SCHIP1: variants seen among roughly 807,000 people sequenced by gnomAD.
SCHIP1 encodes schwannomin-interacting protein 1.
Under a neutral mutation model 29.7 loss-of-function variants are expected in SCHIP1, and 8 were observed. The ratio of observed to expected loss-of-function variants is 0.27; its 90% CI spans 0.16 to 0.49. SCHIP1 has a LOEUF of 0.49. Among genes scored for constraint, SCHIP1 ranks in the 20% least tolerant of loss-of-function variants. SCHIP1 has a pLI of 0.99. For missense variants in SCHIP1, 193 were observed against 294.6 expected (o/e 0.66, Z 2.52); for synonymous variants, 76 against 94.9 (o/e 0.80, Z 1.16).
the SCHIP1 span, among the ~76,000 whole-genome samples, chr3:159,553,971 TGTGTGTGTGTG>T: frequency 1.0e-4 from 1 of 9,724 alleles, no homozygotes; most frequent in Admixed American, 1.1e-3. Flanking sequence ...CAGCTACGTG[TGTGTGTGTGTG>T]TGTGTGTGTG....
the SCHIP1 span, among the ~76,000 whole-genome samples, chr3:159,468,637 A>T: frequency 6.7e-6 from 1 of 149,498 alleles, no homozygotes; most frequent in Non-Finnish European, 1.5e-5. Context: ...ATAATAAAAT[A>T]AAATTATTCT....
the SCHIP1 span, among the ~76,000 whole-genome samples, chr3:159,464,435 C>G: frequency 6.6e-6 from 1 of 152,140 alleles, no homozygotes; most frequent in African/African-American, 2.4e-5. Context: ...TGTTTCTTAA[C>G]TCTAAAGATA....
chr3:159,734,135 CTTTTT>C, the SCHIP1 span, among the ~76,000 whole-genome samples: 19 of 100,912 alleles, frequency 1.9e-4, no homozygotes, highest in African/African-American at 8.3e-4. Context: ...TTATTGTTTA[CTTTTT>C]TTTTTTTTTT....
chr3:159,697,842 C>T, the SCHIP1 span, among the ~76,000 whole-genome samples: 6 of 152,020 alleles, frequency 3.9e-5, no homozygotes, highest in Non-Finnish European at 5.9e-5. Context: ...AGTTACAGTC[C>T]AAAAATTACC....
At chr3:159,722,596 C>CATGTGT in the SCHIP1 span, among the ~76,000 whole-genome samples, 1 of 151,890 alleles carries the variant, frequency 6.6e-6, no homozygotes, top group Non-Finnish European at 1.5e-5. Flanking sequence ...TGTGTGTGTG[C>CATGTGT]ATGTGTATGT....
chr3:159,369,556 A>G, the SCHIP1 span, among the ~76,000 whole-genome samples: 1 of 152,198 alleles, frequency 6.6e-6, no homozygotes, highest in Non-Finnish European at 1.5e-5. Context: ...CTTATATGCA[A>G]AGATATATTG....
the SCHIP1 span, among the ~76,000 whole-genome samples, chr3:159,670,490 C>A: frequency 6.6e-6 from 1 of 152,052 alleles, no homozygotes; most frequent in South Asian, 2.1e-4. Flanking sequence ...TTTTGCTGTC[C>A]GAAATTCAAT....
chr3:159,737,966 A>T, the SCHIP1 span, among the ~76,000 whole-genome samples: 2 of 151,996 alleles, frequency 1.3e-5, no homozygotes, highest in Non-Finnish European at 2.9e-5. Context: ...TTTTGTTAGG[A>T]CCTAGAATCA....
chr3:159,895,687 G>GTTGT (rs536791586), intron 6 of SCHIP1, among the ~76,000 whole-genome samples: 15 of 152,038 alleles, frequency 9.9e-5, no homozygotes, highest in Admixed American at 7.2e-4. Flanking sequence ...TTTGGTTTTG[G>GTTGT]TTGTTTGTTT....
chr3:159,299,695 C>T, the SCHIP1 span, among the ~76,000 whole-genome samples: 4 of 152,058 alleles, frequency 2.6e-5, no homozygotes, highest in East Asian at 1.9e-4. Flanking sequence ...TGGTGTGGAG[C>T]GAGCATCCTC....
the SCHIP1 span, among the ~76,000 whole-genome samples, chr3:159,792,995 A>G: frequency 6.6e-6 from 1 of 152,140 alleles, no homozygotes; most frequent in African/African-American, 2.4e-5. Flanking sequence ...TTGACTCACA[A>G]TGGTCTTATA....
chr3:159,582,785 TATACACACACACAC>T, the SCHIP1 span, among the ~76,000 whole-genome samples: 1 of 80,402 alleles, frequency 1.2e-5, no homozygotes, highest in African/African-American at 3.1e-5. Context: ...GAAATATATA[TATACACACACACAC>T]ACACACACAC....
At chr3:159,315,393 C>CTT in the SCHIP1 span, among the ~76,000 whole-genome samples, 2,368 of 136,258 alleles carry the variant, frequency 0.017, 63 homozygotes, top group African/African-American at 0.06. Flanking sequence ...TATTTTCTTT[C>CTT]TTTTTTTTTT....
the SCHIP1 span, among the ~76,000 whole-genome samples, chr3:159,516,914 A>C: frequency 6.6e-6 from 1 of 152,218 alleles, no homozygotes; most frequent in Non-Finnish European, 1.5e-5. Context: ...TGTATGCACT[A>C]CAGGAACTGC....
the SCHIP1 span, among the ~76,000 whole-genome samples, chr3:159,692,381 T>G: frequency 9.4e-6 from 1 of 106,216 alleles, no homozygotes; most frequent in Non-Finnish European, 2.0e-5. Context: ...AGATTTGGTC[T>G]TTTCAAATAG....
chr3:159,373,969 CTATTTT>C, the SCHIP1 span, among the ~76,000 whole-genome samples: 2 of 152,090 alleles, frequency 1.3e-5, no homozygotes, highest in African/African-American at 4.8e-5. Context: ...TATGATAATT[CTATTTT>C]TAATTTTTTG....
chr3:159,753,178 C>T, the SCHIP1 span, among the ~76,000 whole-genome samples: 1 of 152,192 alleles, frequency 6.6e-6, no homozygotes, highest in Admixed American at 6.5e-5. Context: ...GTCTCAAGAT[C>T]ATGTCACCTA....
chr3:159,389,757 T>C, the SCHIP1 span, among the ~76,000 whole-genome samples: 25 of 152,136 alleles, frequency 1.6e-4, no homozygotes, highest in Non-Finnish European at 2.8e-4. Flanking sequence ...TGGATATTCT[T>C]CCAATGGAGT....
At chr3:159,666,430 T>C in the SCHIP1 span, among the ~76,000 whole-genome samples, 4 of 152,236 alleles carry the variant, frequency 2.6e-5, no homozygotes, top group Non-Finnish European at 5.9e-5. Context: ...CAAATTCTCA[T>C]CTGCTCAAGA....
Sources: allele counts gnomAD v4.1 joint callset (sites outside exome capture counted in the v4.1 genomes callset), GRCh38; gene constraint gnomAD v4.1.1; transcripts MANE v1.5; gene names NCBI Gene and HGNC (gene_info 2026-07-23, HGNC 2026-07-21).